URI1: variants seen among roughly 807,000 people sequenced by gnomAD.
URI1 encodes the protein URI1 prefoldin like chaperone, also known as unconventional prefoldin RPB5 interactor 1.
URI1 carries 39 observed loss-of-function variants against 60.2 expected under a neutral mutation model. The ratio of observed to expected loss-of-function variants is 0.65; its 90% CI spans 0.50 to 0.85. The LOEUF (loss-of-function observed/expected upper bound fraction) is 0.85. Among genes scored for constraint, URI1 ranks in the 40% least tolerant of loss-of-function variants. The probability of loss-of-function intolerance (pLI) is 0.00; values close to 1 mark genes in which losing one functional copy is unlikely to be tolerated. For missense variants in URI1, 691 were observed against 665.9 expected, an observed-to-expected ratio of 1.04 and a Z score of -0.42; for synonymous variants, 251 against 236.8, an observed-to-expected ratio of 1.06 and a Z score of -0.55.
In URI1 at chr19:29,993,617, GAAGA is replaced by G. The variant is rs546463864; in HGVS notation, c.367+7205_367+7208del. Among the ~76,000 whole-genome samples, 528 of 152,132 alleles carry G rather than the reference GAAGA, an allele frequency of 3.5e-3. 5 individuals are homozygous for G. Among genetic ancestry groups the G allele is most frequent in the African/African-American group, 0.012 (513 of 41,494 alleles). On this transcript the variant is annotated intron_variant, in intron 4 of 10. Transcript: ENST00000392271. ...CAGCTTTTTTTTTTAAGTGATAGGA[GAAGA>G]AAGATTGTATGAGGTGCATCAGGTC... is the stretch of plus-strand genomic sequence containing the variant.
At position 29,983,842 on chromosome 19, in the gene URI1, T is replaced by C. The variant is rs181068265; in HGVS notation, c.153-1381T>C. On this transcript the variant is annotated intron_variant, in intron 2 of 10. Transcript: ENST00000392271. ...ACGATCATCTCTGCCCCTACAGAGTTACATATACCTTTTGGTTGTTTGAAA... is the reference window on the plus strand; with the variant it reads ...ACGATCATCTCTGCCCCTACAGAGTCACATATACCTTTTGGTTGTTTGAAA... Among the ~76,000 whole-genome samples the C allele has an allele frequency of 1.4e-3, 207 of 152,352 alleles. 1 individual carries two copies. Among genetic ancestry groups the C allele is most frequent in the African/African-American group, 4.4e-3 (183 of 41,570 alleles).
At chr19:29,945,911 C>T (rs531840470) in intron 1 of URI1, among the ~76,000 whole-genome samples, 25 of 151,290 alleles carry the variant, frequency 1.7e-4, no homozygotes, top group African/African-American at 5.6e-4. Flanking sequence ...TTAATTTTAA[C>T]GAAAATTGGA....
chr19:29,942,258 CCACGCGACGCCTGG>C lies in URI1; in HGVS notation c.-288_-275del, dbSNP rs1169791455. The C allele has an allele frequency of 1.0e-6, 1 of 984,594 alleles. No individual in the cohort carries two copies. The highest frequency in any genetic ancestry group is 1.8e-5 in the African/African-American group (1 of 57,130). 61.0% of individuals were successfully genotyped at this position (984,594 alleles called of 1,614,324 possible). On this transcript the variant is annotated 5_prime_UTR_variant, in exon 1 of 11. Transcript: ENST00000392271. ...CGGGGCGTGTGGGGAGGCGCGGCCG[CCACGCGACGCCTGG>C]CTGGGCCCGCACCGGAGAGGCGTCT...
At chr19:29,996,500 T>TA (rs2055814640) in intron 4 of URI1, among the ~76,000 whole-genome samples, 1 of 152,048 alleles carries the variant, frequency 6.6e-6, no homozygotes, top group Non-Finnish European at 1.5e-5. Flanking sequence ...TGTGTGTGTG[T>TA]ATTCTTTAGG....
chr19:29,976,223 AAAC>A (rs1300777004), intron 2 of URI1, among the ~76,000 whole-genome samples: 1 of 152,168 alleles, frequency 6.6e-6, no homozygotes, highest in African/African-American at 2.4e-5. Context: ...AATTACTGCA[AAAC>A]TTAGTGGCTT....
chr19:29,978,132 A>G (rs1009761674), intron 2 of URI1, among the ~76,000 whole-genome samples: 1 of 152,144 alleles, frequency 6.6e-6, no homozygotes, highest in Non-Finnish European at 1.5e-5. Flanking sequence ...AGAATTTATT[A>G]CTTGTAGGAG....
intron 4 of URI1, among the ~76,000 whole-genome samples, chr19:29,997,731 G>A (rs745583425): frequency 2.8e-4 from 43 of 151,600 alleles, no homozygotes; most frequent in African/African-American, 8.7e-4. Flanking sequence ...ATAAATTTTC[G>A]TTGAGTTTTC....
intron 1 of URI1, among the ~76,000 whole-genome samples, chr19:29,944,154 T>G (rs1425635673): frequency 4.0e-5 from 2 of 50,040 alleles, no homozygotes; most frequent in African/African-American, 2.5e-4. Context: ...TATATATATA[T>G]ATATATATAT....
At chr19:29,931,749 A>AT (rs1285603085) in intron 1 of URI1, among the ~76,000 whole-genome samples, 1 of 152,006 alleles carries the variant, frequency 6.6e-6, no homozygotes, top group Non-Finnish European at 1.5e-5. Flanking sequence ...TTTACTAAAT[A>AT]TTTTATTCTT....
At chr19:29,979,137 A>ATT (rs2055561719) in intron 2 of URI1, among the ~76,000 whole-genome samples, 1 of 152,190 alleles carries the variant, frequency 6.6e-6, no homozygotes, top group Non-Finnish European at 1.5e-5. Context: ...AAACCTATGA[A>ATT]TTACGGTAAG....
rs199529589 is a variant in URI1 at position 30,007,647 on chromosome 19, T to C, written c.686+9T>C. ...CTGGGTGAACTTGATAGGTACTTGATGACAAATTATCTTTCCAAGATAATT... is the reference window on the plus strand; with the variant it reads ...CTGGGTGAACTTGATAGGTACTTGACGACAAATTATCTTTCCAAGATAATT... On this transcript the variant is annotated intron_variant, in intron 7 of 10. Transcript: ENST00000392271. The C allele has an allele frequency of 5.8e-5, 92 of 1,576,032 alleles. No individual in the cohort carries two copies. The highest frequency in any genetic ancestry group is 6.6e-5 in the Non-Finnish European group (77 of 1,164,540).
chr19:29,971,298 G>A, intron 2 of URI1, 71 bp downstream of exon 2: 1 of 1,507,746 alleles, frequency 6.6e-7, no homozygotes, highest in Non-Finnish European at 9.2e-7. Context: ...CAAATAATGT[G>A]TTTACTGTTT....
At chr19:29,985,380 A>C in intron 3 of URI1, 79 bp downstream of exon 3, 2 of 1,242,176 alleles carry the variant, frequency 1.6e-6, no homozygotes, top group Admixed American at 1.7e-5. Flanking sequence ...ACAGAATGTC[A>C]GGCTGATGGA....
intron 1 of URI1, among the ~76,000 whole-genome samples, chr19:29,947,222 G>C (rs141979269): frequency 6.6e-6 from 1 of 152,232 alleles, no homozygotes; most frequent in Non-Finnish European, 1.5e-5. Flanking sequence ...TTTTGAGGCT[G>C]ATCTTAAATT....
intron 1 of URI1, among the ~76,000 whole-genome samples, chr19:29,927,560 CTTTTTTTT>C (rs3049080): frequency 5.0e-5 from 2 of 39,802 alleles, no homozygotes; most frequent in African/African-American, 1.3e-4. Flanking sequence ...CTGCACCCGG[CTTTTTTTT>C]TTTTTTTTTT....
At chr19:29,981,931 T>TA (rs1386059887) in intron 2 of URI1, among the ~76,000 whole-genome samples, 7 of 152,356 alleles carry the variant, frequency 4.6e-5, no homozygotes, top group African/African-American at 1.4e-4. Context: ...TTAACCTCAG[T>TA]AATGCATTAG....
Position 29,988,354 on chromosome 19 carries a change from A to G in URI1, c.367+1937A>G, listed in dbSNP as rs752094163. Among the ~76,000 whole-genome samples the G allele has an allele frequency of 7.5e-4, 114 of 152,222 alleles. 1 individual carries two copies. Among genetic ancestry groups the G allele is most frequent in the Non-Finnish European group, 7.6e-4 (52 of 68,016 alleles). ...ATCTATGTCATGGTTGATTGGGGTA[A>G]TTGGGGAAGGTCTGAGTTACAACAC... On this transcript the variant is annotated intron_variant, in intron 4 of 10. Coordinates refer to ENST00000392271, the MANE Select transcript of URI1 (RefSeq NM_003796.3).
At chr19:29,934,816 A>AG (rs58213523) in intron 1 of URI1, among the ~76,000 whole-genome samples, 151,121 of 152,322 alleles carry the variant, frequency 0.99, 74,966 homozygotes, top group Middle Eastern at 1. Context: ...TTGGCTTCCC[A>AG]GGGATTGGTA....
intron 1 of URI1, among the ~76,000 whole-genome samples, chr19:29,931,734 AT>A (rs2054919018): frequency 6.6e-6 from 1 of 152,004 alleles, no homozygotes; most frequent in Non-Finnish European, 1.5e-5. Flanking sequence ...TCCTTGGTTA[AT>A]TTTTTTACTA....
Sources: gnomAD v4.1 joint callset for allele counts (sites outside exome capture counted in the v4.1 genomes callset) on GRCh38, gnomAD v4.1.1 for gene constraint, MANE v1.5 for transcripts, NCBI Gene and HGNC (gene_info 2026-07-23, HGNC 2026-07-21) for gene names.